APBB1IP: variants seen among roughly 807,000 people sequenced by gnomAD.
APBB1IP encodes amyloid beta A4 precursor protein-binding family B member 1-interacting protein.
In APBB1IP, 27 loss-of-function variants were observed where a neutral mutation model predicts 64.9. The observed-to-expected ratio is 0.42, with a 90% confidence interval of 0.31 to 0.57. APBB1IP has a LOEUF of 0.57. Ranked by LOEUF, APBB1IP falls within the 20% of genes least tolerant of loss-of-function variation. The probability of loss-of-function intolerance (pLI) is 0.20; values close to 1 mark genes in which losing one functional copy is unlikely to be tolerated. For missense variants in APBB1IP, 812 were observed against 845.5 expected (o/e 0.96, Z 0.49); for synonymous variants, 392 against 331.0 (o/e 1.18, Z -2.00).
At chr10:26,493,693 G>C (rs775585660) in intron 3 of APBB1IP, among the ~76,000 whole-genome samples, 2 of 152,108 alleles carry the variant, frequency 1.3e-5, no homozygotes, top group Non-Finnish European at 2.9e-5. Flanking sequence ...ACATTGATTA[G>C]ACATACATCA....
chr10:26,552,567 G>A (rs1398619752), intron 11 of APBB1IP, among the ~76,000 whole-genome samples: 2 of 151,556 alleles, frequency 1.3e-5, no homozygotes, highest in Non-Finnish European at 2.9e-5. Flanking sequence ...CTGTTGCACT[G>A]TGGCCTGGGC....
At chr10:26,479,028 T>TAACAAACATGTACATGTACCCCTGAACC (rs141678847) in intron 2 of APBB1IP, among the ~76,000 whole-genome samples, 7 of 37,386 alleles carry the variant, frequency 1.9e-4, no homozygotes, top group Admixed American at 2.6e-4. Flanking sequence ...TTGACATATA[T>TAACAAACATGTACATGTACCCCTGAACC]TCACGCCTGT....
chr10:26,527,786 G>A (rs1371499713), intron 8 of APBB1IP, among the ~76,000 whole-genome samples: 6 of 147,962 alleles, frequency 4.1e-5, no homozygotes, highest in African/African-American at 7.5e-5. Flanking sequence ...TCTGCCTCCC[G>A]GGTTCAAGCG....
At chr10:26,444,959 A>G (rs868247278) in intron 2 of APBB1IP, among the ~76,000 whole-genome samples, 2 of 152,016 alleles carry the variant, frequency 1.3e-5, no homozygotes, top group East Asian at 3.9e-4. Flanking sequence ...TTAGCTGGGC[A>G]TGGTGGTGCA....
intron 2 of APBB1IP, among the ~76,000 whole-genome samples, chr10:26,475,875 C>T (rs910348895): frequency 6.6e-6 from 1 of 151,962 alleles, no homozygotes; most frequent in East Asian, 1.9e-4. Flanking sequence ...TAACCCAGGT[C>T]GAGTCAATTT....
At chr10:26,469,192 A>T (rs1835684913) in intron 2 of APBB1IP, among the ~76,000 whole-genome samples, 1 of 151,790 alleles carries the variant, frequency 6.6e-6, no homozygotes, top group African/African-American at 2.4e-5. Context: ...AGCTGTACAA[A>T]AATATTTTTA....
intron 8 of APBB1IP, among the ~76,000 whole-genome samples, chr10:26,531,078 C>T (rs1372877813): frequency 6.6e-6 from 1 of 152,014 alleles, no homozygotes; most frequent in Non-Finnish European, 1.5e-5. Context: ...CTTGGCCAGG[C>T]GTGGTGGTTT....
chr10:26,499,601 T>C (rs12413644), intron 4 of APBB1IP, among the ~76,000 whole-genome samples: 21,865 of 152,170 alleles, frequency 0.14, 1,888 homozygotes, highest in East Asian at 0.29. Flanking sequence ...CCATCCTTTG[T>C]TCATTACATT....
intron 10 of APBB1IP, among the ~76,000 whole-genome samples, chr10:26,541,381 A>G (rs1057195555): frequency 1.3e-5 from 2 of 152,148 alleles, no homozygotes; most frequent in East Asian, 3.8e-4. Flanking sequence ...TTGTCCCCCA[A>G]CTTGGCCATA....
intron 2 of APBB1IP, among the ~76,000 whole-genome samples, chr10:26,484,481 T>A (rs576776151): frequency 6.6e-6 from 1 of 152,242 alleles, no homozygotes; most frequent in African/African-American, 2.4e-5. Context: ...TTTTTGGTAT[T>A]TTTAGTAGAG....
intron 2 of APBB1IP, among the ~76,000 whole-genome samples, chr10:26,471,259 A>G (rs982830258): frequency 6.6e-6 from 1 of 152,198 alleles, no homozygotes; most frequent in African/African-American, 2.4e-5. Context: ...GGCCCCACAT[A>G]TCACAAGAGA....
chr10:26,540,668 T>C (rs1296863259), intron 10 of APBB1IP, among the ~76,000 whole-genome samples: 1 of 152,176 alleles, frequency 6.6e-6, no homozygotes, highest in Non-Finnish European at 1.5e-5. Context: ...TATTCTTTAT[T>C]CACTAACTAG....
intron 2 of APBB1IP, among the ~76,000 whole-genome samples, chr10:26,471,897 A>G (rs1044732543): frequency 1.3e-5 from 2 of 152,030 alleles, no homozygotes; most frequent in African/African-American, 4.8e-5. Flanking sequence ...GTTGGCCAAG[A>G]TGGTCTCCAT....
intron 11 of APBB1IP, among the ~76,000 whole-genome samples, chr10:26,557,153 A>G (rs1408542463): frequency 6.6e-6 from 1 of 152,250 alleles, no homozygotes; most frequent in African/African-American, 2.4e-5. Context: ...GAGGATCATT[A>G]TTGGAGTAAC....
chr10:26,566,273 GA>G (rs1837042403), intron 14 of APBB1IP, among the ~76,000 whole-genome samples: 4 of 152,164 alleles, frequency 2.6e-5, no homozygotes, highest in African/African-American at 9.7e-5. Flanking sequence ...TATAGAGAGA[GA>G]GACATAGTCT....
chr10:26,534,332 C>T (rs551968052), intron 9 of APBB1IP, among the ~76,000 whole-genome samples: 5 of 146,582 alleles, frequency 3.4e-5, no homozygotes, highest in Admixed American at 1.4e-4. Context: ...AGGATCTGTT[C>T]GCAGCACATA....
intron 11 of APBB1IP, among the ~76,000 whole-genome samples, chr10:26,553,219 A>G (rs1836854639): frequency 6.6e-6 from 1 of 151,932 alleles, no homozygotes; most frequent in Admixed American, 6.6e-5. Context: ...ACAGGGTTTC[A>G]CCGTGTTGGT....
At chr10:26,482,740 T>G (rs1189936535) in intron 2 of APBB1IP, among the ~76,000 whole-genome samples, 1 of 152,102 alleles carries the variant, frequency 6.6e-6, no homozygotes, top group Non-Finnish European at 1.5e-5. Flanking sequence ...TTTTTGAAAC[T>G]TATTTCTCAT....
At chr10:26,474,600 T>C (rs779584840) in intron 2 of APBB1IP, among the ~76,000 whole-genome samples, 18 of 152,244 alleles carry the variant, frequency 1.2e-4, no homozygotes, top group Admixed American at 1.3e-4. Flanking sequence ...TTTCACATGA[T>C]AAATACATAG....
Sources: gnomAD v4.1 joint callset for allele counts (sites outside exome capture counted in the v4.1 genomes callset) on GRCh38, gnomAD v4.1.1 for gene constraint, MANE v1.5 for transcripts, NCBI Gene and HGNC (gene_info 2026-07-23, HGNC 2026-07-21) for gene names.